Variants in HSH2D observed in about 807,000 individuals in gnomAD.
HSH2D encodes hematopoietic SH2 domain containing.
In HSH2D, 16 loss-of-function variants were observed where a neutral mutation model predicts 21.5. The ratio of observed to expected loss-of-function variants is 0.74; its 90% CI spans 0.50 to 1.13. The LOEUF (loss-of-function observed/expected upper bound fraction) is 1.13. Ranked by LOEUF, HSH2D falls within the 50% of genes most tolerant of loss-of-function variation. The pLI, the probability that HSH2D is intolerant of heterozygous loss-of-function variation, is 0.00. For missense variants in HSH2D, 418 were observed against 441.4 expected, an observed-to-expected ratio of 0.95 and a Z score of 0.47; for synonymous variants, 172 against 184.7, an observed-to-expected ratio of 0.93 and a Z score of 0.56.
At chr19:16,138,536 C>T (rs1279599732) in intron 1 of HSH2D, among the ~76,000 whole-genome samples, 1 of 152,076 alleles carries the variant, frequency 6.6e-6, no homozygotes, top group Non-Finnish European at 1.5e-5. Flanking sequence ...CAGCTCACTG[C>T]ACCCTCCGCC....
At chr19:16,156,471 A>G (rs2091238940) in intron 5 of HSH2D, among the ~76,000 whole-genome samples, 1 of 152,178 alleles carries the variant, frequency 6.6e-6, no homozygotes, top group African/African-American at 2.4e-5. Flanking sequence ...GGCATGAGCT[A>G]TCACACCTGG....
At chr19:16,147,260 G>A (rs1261533925) in intron 1 of HSH2D, among the ~76,000 whole-genome samples, 1 of 151,982 alleles carries the variant, frequency 6.6e-6, no homozygotes, top group Non-Finnish European at 1.5e-5. Flanking sequence ...TGACACAGGT[G>A]GATTTCTTGA....
chr19:16,154,798 G>A (rs1449651785), intron 5 of HSH2D: 20 of 237,974 alleles, frequency 8.4e-5, no homozygotes, highest in Non-Finnish European at 1.6e-4. Context: ...CACAAACTGT[G>A]TGCCCTGCCC....
In HSH2D at chr19:16,157,854, C is replaced by T. The variant is rs112421853; in HGVS notation, c.*60C>T. ...CAGGGGCTGCCACACTCCTGAATGCCTTAACATTTCTTCCATGGCCCCACA... is the reference window on the plus strand; with the variant it reads ...CAGGGGCTGCCACACTCCTGAATGCTTTAACATTTCTTCCATGGCCCCACA... On this transcript the variant is annotated 3_prime_UTR_variant, in exon 6 of 6. Transcript: ENST00000613986. The surrounding 1 kb of genome is among the most constrained non-coding windows in gnomAD (Gnocchi z 4.4). 8.2e-7 allele frequency: 1 copy of T among 1,217,334 alleles called. No individual in the cohort carries two copies. The highest frequency in any genetic ancestry group is 2.7e-5 in the Admixed American group (1 of 37,674). The allele number at this position is 1,217,334 out of a possible 1,614,324, so 75.4% of individuals were successfully genotyped here.
intron 1 of HSH2D, among the ~76,000 whole-genome samples, chr19:16,137,123 A>T (rs1213094390): frequency 2.0e-5 from 3 of 152,164 alleles, no homozygotes; most frequent in Non-Finnish European, 4.4e-5. Context: ...CCTTGGACAC[A>T]TGCCCTCAAC....
intron 1 of HSH2D, among the ~76,000 whole-genome samples, chr19:16,144,317 G>C (rs2091034192): frequency 6.6e-6 from 1 of 151,934 alleles, no homozygotes; most frequent in African/African-American, 2.4e-5. Context: ...GAGAGGAACA[G>C]GGGGGAACGT....
At chr19:16,142,264 C>CA (rs540413465), upstream of HSH2D, among the ~76,000 whole-genome samples, 3 of 152,052 alleles carry the variant, frequency 2.0e-5, no homozygotes, top group Non-Finnish European at 2.9e-5. Context: ...CCCATCTCTA[C>CA]AAAAAAATAT....
rs2091188685 is a variant in HSH2D at position 16,153,225 on chromosome 19, A to G, written c.381+17A>G. On this transcript the variant is annotated intron_variant, in intron 4 of 5. Coordinates refer to ENST00000613986, the MANE Select transcript of HSH2D (RefSeq NM_001382417.1). ...TGCAGGCAGGTGAGGGCGGGGACCCACAAGGTTCACAGCCATTTCCTTGGG... is the reference window on the plus strand; with the variant it reads ...TGCAGGCAGGTGAGGGCGGGGACCCGCAAGGTTCACAGCCATTTCCTTGGG... 1.3e-6 allele frequency: 2 copies of G among 1,498,766 alleles called. No homozygotes were observed. Among genetic ancestry groups the G allele is most frequent in the South Asian group, 1.3e-5 (1 of 76,702 alleles). 92.8% of individuals were successfully genotyped at this position (1,498,766 alleles called of 1,614,324 possible). A position where few individuals can be genotyped will look rare whatever the true frequency, so the allele number is the denominator to read the frequency against.
chr19:16,141,099 A>G (rs1052834856), upstream of HSH2D, among the ~76,000 whole-genome samples: 1 of 152,206 alleles, frequency 6.6e-6, no homozygotes, highest in African/African-American at 2.4e-5. Flanking sequence ...CTCTCCTAGC[A>G]TCTTCACATG....
intron 1 of HSH2D, among the ~76,000 whole-genome samples, chr19:16,145,037 GT>G (rs34993884): frequency 0.044 from 5,225 of 119,296 alleles, 149 homozygotes; most frequent in African/African-American, 0.094. Context: ...TTTTTTTGGG[GT>G]TTTTTTTTTT....
Position 16,143,768 on chromosome 19 carries a change from C to G in HSH2D, c.-34C>G. 2.2e-6 allele frequency: 1 copy of G among 452,022 alleles called. No individual in the cohort carries two copies. The highest frequency in any genetic ancestry group is 4.5e-6 in the Non-Finnish European group (1 of 224,230). 28.0% of individuals were successfully genotyped at this position (452,022 alleles called of 1,614,324 possible). A position where few individuals can be genotyped will look rare whatever the true frequency, so the allele number is the denominator to read the frequency against. On this transcript the variant is annotated 5_prime_UTR_variant, in exon 1 of 6. Transcript: ENST00000613986. ...GCGAGGGCCTCGGCCATCCAAGGGT[C>G]TCCCAGGTATGTGACCCAAGAGCCT...
chr19:16,140,506 GA>G (rs1031325505), upstream of HSH2D, among the ~76,000 whole-genome samples: 10 of 151,942 alleles, frequency 6.6e-5, no homozygotes, highest in Admixed American at 2.0e-4. Context: ...TGGGGAGACT[GA>G]GGCAGGAGAA....
chr19:16,143,020 C>T (rs763181516), upstream of HSH2D, among the ~76,000 whole-genome samples: 3 of 148,702 alleles, frequency 2.0e-5, no homozygotes, highest in East Asian at 2.0e-4. Context: ...CCACCCGCCT[C>T]GGCCTCCCAA....
chr19:16,140,107 C>G (rs1247017666), upstream of HSH2D, among the ~76,000 whole-genome samples: 1 of 151,974 alleles, frequency 6.6e-6, no homozygotes, highest in Non-Finnish European at 1.5e-5. Flanking sequence ...AATAAGAGCC[C>G]CGATGGTCAG....
At chr19:16,143,537 G>C (rs769737456), upstream of HSH2D, 1 of 284,098 alleles carries the variant, frequency 3.5e-6, no homozygotes, top group Non-Finnish European at 7.3e-6. Context: ...CTTGCTGGGG[G>C]CAAGACAGGA....
chr19:16,143,592 G>A, upstream of HSH2D: 1 of 303,250 alleles, frequency 3.3e-6, no homozygotes, highest in Non-Finnish European at 6.8e-6. Flanking sequence ...TTGTTGGACT[G>A]CAGACAGGGT....
At chr19:16,152,806 C>T (rs377603593) in intron 3 of HSH2D, 165 bp downstream of exon 3, 6 of 759,158 alleles carry the variant, frequency 7.9e-6, no homozygotes, top group East Asian at 5.3e-5. Context: ...AGCTTTTGTC[C>T]GTAGTGGCAT....
intron 4 of HSH2D, among the ~76,000 whole-genome samples, chr19:16,154,075 T>C (rs998070267): frequency 6.8e-6 from 1 of 146,988 alleles, no homozygotes; most frequent in Non-Finnish European, 1.5e-5. Context: ...GCATCTTTCC[T>C]TATAGGACTC....
chr19:16,137,075 G>A (rs577858699), intron 1 of HSH2D, among the ~76,000 whole-genome samples: 34 of 152,160 alleles, frequency 2.2e-4, no homozygotes, highest in South Asian at 4.2e-4. Flanking sequence ...GACAAATCTC[G>A]GGTATCTACC....
Sources: allele counts gnomAD v4.1 joint callset (sites outside exome capture counted in the v4.1 genomes callset), GRCh38; gene constraint gnomAD v4.1.1; non-coding constraint Gnocchi (gnomAD v3.1); transcripts MANE v1.5; gene names NCBI Gene and HGNC (gene_info 2026-07-23, HGNC 2026-07-21).